The following CDH10 variants were observed in gnomAD, a reference collection of about 807,000 sequenced individuals.
CDH10 encodes the protein cadherin-10.
CDH10 carries 30 observed loss-of-function variants against 73.1 expected under a neutral mutation model. That is an observed-to-expected ratio of 0.41 (90% CI 0.31 to 0.56). The LOEUF is 0.56. Ranked by LOEUF, CDH10 falls within the 20% of genes least tolerant of loss-of-function variation. The probability of loss-of-function intolerance (pLI) is 0.27; values close to 1 mark genes in which losing one functional copy is unlikely to be tolerated. For synonymous variants in CDH10, 345 were observed against 348.2 expected (o/e 0.99, Z 0.10); for missense variants, 815 against 973.7 (o/e 0.84, Z 2.17).
rs1418217321 is a variant in CDH10 at position 24,572,119 on chromosome 5, A to C, written c.231+21141T>G. Among the ~76,000 whole-genome samples the C allele has an allele frequency of 2.0e-5, 3 of 152,150 alleles. No individual in the cohort carries two copies. The East Asian group carries it at 5.8e-4, about 29-fold the overall frequency. Reference sequence around the variant, plus strand: ...TTTGTTGTCTAGATTTCTTTTGTGAAGTCTATATTATCTTGGAGCTCTGTC... The same window carrying C: ...TTTGTTGTCTAGATTTCTTTTGTGACGTCTATATTATCTTGGAGCTCTGTC... On this transcript the variant is annotated intron_variant, in intron 2 of 11. Coordinates refer to ENST00000264463, the MANE Select transcript of CDH10 (RefSeq NM_006727.5).
intron 2 of CDH10, among the ~76,000 whole-genome samples, chr5:24,553,564 T>G (rs72749780): frequency 0.14 from 20,944 of 152,196 alleles, 1,633 homozygotes; most frequent in Admixed American, 0.21. Context: ...ATTGAAATTT[T>G]TATGATTTGT....
At chr5:24,583,312 T>C (rs1316671556) in intron 2 of CDH10, among the ~76,000 whole-genome samples, 1 of 151,796 alleles carries the variant, frequency 6.6e-6, no homozygotes, top group African/African-American at 2.4e-5. Context: ...TCTTGGAATA[T>C]GTAACAAAAA....
At chr5:24,592,571 T>A (rs979084224) in intron 2 of CDH10, among the ~76,000 whole-genome samples, 1 of 151,894 alleles carries the variant, frequency 6.6e-6, no homozygotes, top group Non-Finnish European at 1.5e-5. Flanking sequence ...AGTACTTTTA[T>A]GTTAAGCTTC....
At chr5:24,585,794 T>G in intron 2 of CDH10, among the ~76,000 whole-genome samples, 1 of 151,400 alleles carries the variant, frequency 6.6e-6, no homozygotes, top group African/African-American at 2.4e-5. Flanking sequence ...TCCTAGATTT[T>G]TGTTTTTTTC....
chr5:24,509,495 TC>T (rs1742817970), intron 7 of CDH10, 70 bp downstream of exon 7: 1 of 1,440,450 alleles, frequency 6.9e-7, no homozygotes, highest in Non-Finnish European at 9.6e-7. Flanking sequence ...CGCCTCGGCC[TC>T]CCAAAGTGCT....
chr5:24,544,120 C>G (rs1249542509), intron 2 of CDH10, among the ~76,000 whole-genome samples: 1 of 152,022 alleles, frequency 6.6e-6, no homozygotes, highest in Non-Finnish European at 1.5e-5. Context: ...ATGGTGAAAC[C>G]CCGTCTCTAC....
chr5:24,620,852 A>C (rs2112167799), intron 1 of CDH10, among the ~76,000 whole-genome samples: 1 of 152,292 alleles, frequency 6.6e-6, no homozygotes, highest in South Asian at 2.1e-4. Flanking sequence ...AAATCCCATA[A>C]AGCAGCAATC....
chr5:24,592,170 T>C lies in CDH10; in HGVS notation c.231+1090A>G, dbSNP rs560296714. Among the ~76,000 whole-genome samples, 5 of 151,932 alleles carry C rather than the reference T, an allele frequency of 3.3e-5. No individual in the cohort carries two copies. The South Asian group carries it at 1.0e-3, about 31-fold the overall frequency. On this transcript the variant is annotated intron_variant, in intron 2 of 11. Transcript: ENST00000264463. ...ACCAGATATTTTAAAAGGTCTGAAATGAGTGCAATATGACAAAACATATCA... is the reference window on the plus strand; with the variant it reads ...ACCAGATATTTTAAAAGGTCTGAAACGAGTGCAATATGACAAAACATATCA...
intron 2 of CDH10, among the ~76,000 whole-genome samples, chr5:24,588,687 A>C (rs569332646): frequency 6.6e-6 from 1 of 152,296 alleles, no homozygotes; most frequent in Admixed American, 6.5e-5. Flanking sequence ...AACCTGGTGG[A>C]CACAGTTGCT....
intron 2 of CDH10, among the ~76,000 whole-genome samples, chr5:24,589,006 G>A (rs1746113652): frequency 6.6e-6 from 1 of 152,168 alleles, no homozygotes; most frequent in East Asian, 1.9e-4. Flanking sequence ...TTTGTTCTTG[G>A]TTTTGGAGTC....
intron 1 of CDH10, among the ~76,000 whole-genome samples, chr5:24,608,206 T>A (rs1418212257): frequency 1.3e-5 from 2 of 152,204 alleles, no homozygotes; most frequent in Non-Finnish European, 2.9e-5. Flanking sequence ...TGTTGGCAAA[T>A]CGAGTCATCT....
At chr5:24,534,903 A>G (rs1035920811) in intron 5 of CDH10, among the ~76,000 whole-genome samples, 1 of 152,118 alleles carries the variant, frequency 6.6e-6, no homozygotes, top group Admixed American at 6.6e-5. Context: ...CCTGTCTCTG[A>G]GTGAAATATG....
intron 1 of CDH10, among the ~76,000 whole-genome samples, chr5:24,622,993 T>C (rs1468191997): frequency 6.6e-6 from 1 of 152,194 alleles, no homozygotes; most frequent in Non-Finnish European, 1.5e-5. Context: ...CTAGGGCACA[T>C]AAAACTGTGA....
At chr5:24,576,342 G>GT (rs1265518484) in intron 2 of CDH10, among the ~76,000 whole-genome samples, 1 of 152,012 alleles carries the variant, frequency 6.6e-6, no homozygotes, top group Non-Finnish European at 1.5e-5. Context: ...ATTTTAGATT[G>GT]TTTTTTCAAC....
intron 9 of CDH10, among the ~76,000 whole-genome samples, chr5:24,497,198 G>C (rs1561123124): frequency 6.6e-6 from 1 of 152,030 alleles, no homozygotes. Context: ...TTGTAAATCA[G>C]TATTTATAAT....
chr5:24,628,246 A>G (rs1024723007), intron 1 of CDH10, among the ~76,000 whole-genome samples: 1 of 152,198 alleles, frequency 6.6e-6, no homozygotes, highest in Non-Finnish European at 1.5e-5. Flanking sequence ...ACACCAGAAC[A>G]CCAACAGCAT....
intron 2 of CDH10, among the ~76,000 whole-genome samples, chr5:24,557,993 G>A (rs1187950012): frequency 2.0e-5 from 3 of 151,636 alleles, no homozygotes; most frequent in East Asian, 3.9e-4. Flanking sequence ...TTAGAAACAA[G>A]AGGCAAAGTA....
intron 8 of CDH10, among the ~76,000 whole-genome samples, chr5:24,503,199 T>C (rs1009029583): frequency 2.0e-5 from 3 of 152,220 alleles, no homozygotes; most frequent in Admixed American, 2.0e-4. Context: ...CTGTAGTGGT[T>C]ACTTCAAATA....
At chr5:24,605,713 G>A (rs1037650582) in intron 1 of CDH10, among the ~76,000 whole-genome samples, 1 of 152,258 alleles carries the variant, frequency 6.6e-6, no homozygotes, top group South Asian at 2.1e-4. Flanking sequence ...CCTACCCTAG[G>A]TACTTGTTGA....
Sources: allele counts gnomAD v4.1 joint callset (sites outside exome capture counted in the v4.1 genomes callset), GRCh38; gene constraint gnomAD v4.1.1; transcripts MANE v1.5; gene names NCBI Gene and HGNC (gene_info 2026-07-23, HGNC 2026-07-21).